Variants in KCNG2 observed in about 807,000 individuals in gnomAD.
KCNG2 encodes potassium voltage-gated channel modifier subfamily G member 2.
Under a neutral mutation model 12.3 loss-of-function variants are expected in KCNG2, and 7 were observed. That is an observed-to-expected ratio of 0.57 (90% CI 0.32 to 1.07). The LOEUF (loss-of-function observed/expected upper bound fraction) is 1.07, where lower values mean the gene tolerates loss of function less well. Among genes scored for constraint, KCNG2 ranks in the 50% least tolerant of loss-of-function variants. The probability of loss-of-function intolerance (pLI) is 0.04; values close to 1 mark genes in which losing one functional copy is unlikely to be tolerated. For synonymous variants in KCNG2, 414 were observed against 351.4 expected, an observed-to-expected ratio of 1.18 and a Z score of -1.99; for missense variants, 703 against 726.0, an observed-to-expected ratio of 0.97 and a Z score of 0.36.
rs774752565 is a variant in KCNG2 at position 79,800,369 on chromosome 18, G to C, written c.-115+2355G>C. 7.9e-5 allele frequency among the ~76,000 whole-genome samples: 12 copies of C among 152,160 alleles called. No individual in the cohort carries two copies. Among genetic ancestry groups the C allele is most frequent in the Non-Finnish European group, 1.5e-4 (10 of 68,024 alleles). Reference sequence around the variant, plus strand: ...GGGATGTTCTTGGTGGTAAGGAAAGGAGCCATGGGGCCCTTGCTGCCAGTG... The same window carrying C: ...GGGATGTTCTTGGTGGTAAGGAAAGCAGCCATGGGGCCCTTGCTGCCAGTG... On this transcript the variant is annotated intron_variant, in intron 1 of 3. Coordinates refer to ENST00000316249, the MANE Select transcript of KCNG2 (RefSeq NM_012283.2). The surrounding 1 kb of genome is among the most constrained non-coding windows in gnomAD (Gnocchi z 4.0).
chr18:79,847,768 A>G (rs2123044374), intron 1 of KCNG2, among the ~76,000 whole-genome samples: 1 of 152,302 alleles, frequency 6.6e-6, no homozygotes, highest in East Asian at 1.9e-4. Flanking sequence ...TTGCTCTGGC[A>G]TCCTGGAGGC....
chr18:79,806,776 A>G (rs1409097228), intron 1 of KCNG2, among the ~76,000 whole-genome samples: 1 of 152,224 alleles, frequency 6.6e-6, no homozygotes, highest in Non-Finnish European at 1.5e-5. Context: ...GCTTTCTCAA[A>G]TAAAACCAGA....
At chr18:79,838,350 G>C (rs1332259450) in intron 1 of KCNG2, among the ~76,000 whole-genome samples, 1 of 151,286 alleles carries the variant, frequency 6.6e-6, no homozygotes, top group Non-Finnish European at 1.5e-5. Flanking sequence ...ATCAATAATA[G>C]AATAATCTTC....
Position 79,800,947 on chromosome 18 carries a change from G to C in KCNG2, c.-115+2933G>C, listed in dbSNP as rs1029553736. Among the ~76,000 whole-genome samples the C allele has an allele frequency of 2.6e-5, 4 of 152,250 alleles. No homozygotes were observed. Among genetic ancestry groups the C allele is most frequent in the African/African-American group, 9.6e-5 (4 of 41,468 alleles). ...CAGGTTCAGCCTTTTCACGTGATGGGAGACCATGCCAGGCAGCTGCCAACA... is the reference window on the plus strand; with the variant it reads ...CAGGTTCAGCCTTTTCACGTGATGGCAGACCATGCCAGGCAGCTGCCAACA... On this transcript the variant is annotated intron_variant, in intron 1 of 3. Transcript: ENST00000316249. The surrounding 1 kb of genome is among the most constrained non-coding windows in gnomAD (Gnocchi z 4.0).
At chr18:79,862,148 CCTGT>C (rs1254359282) in intron 2 of KCNG2, among the ~76,000 whole-genome samples, 2 of 152,100 alleles carry the variant, frequency 1.3e-5, no homozygotes, top group Non-Finnish European at 1.5e-5. Flanking sequence ...GTTCCTTTTT[CCTGT>C]CTATGAGCTA....
At chr18:79,874,779 G>T (rs1216727740) in intron 3 of KCNG2, among the ~76,000 whole-genome samples, 2 of 152,194 alleles carry the variant, frequency 1.3e-5, no homozygotes, top group Non-Finnish European at 2.9e-5. Context: ...TGGTGGGAGA[G>T]CTTCCAGGGG....
chr18:79,851,049 C>T lies in KCNG2; in HGVS notation c.-114-5330C>T, dbSNP rs1321662967. On this transcript the variant is annotated intron_variant, in intron 1 of 3. Coordinates refer to ENST00000316249, the MANE Select transcript of KCNG2 (RefSeq NM_012283.2). ...AAGAAAGAATTCAGGACATGTCTGC[C>T]GTGTGCAGCAAAAGCAAGTTTATTA... Among the ~76,000 whole-genome samples the T allele has an allele frequency of 2.6e-5, 4 of 152,154 alleles. No homozygotes were observed. The East Asian group carries it at 5.8e-4, about 22-fold the overall frequency.
rs557625629 is a variant in KCNG2, at chr18:79,894,869, C to T, written c.625-4171C>T. Among the ~76,000 whole-genome samples, 7 of 150,930 alleles carry T rather than the reference C, an allele frequency of 4.6e-5. No homozygotes were observed. In the East Asian group the frequency reaches 1.2e-3, roughly 26 times the overall value. The stretch of plus-strand genomic sequence containing the variant: ...TTGATTGGGTTGTTCACTCCATTCA[C>T]ATCTAATGGTACGATTGATATAGTT... On this transcript the variant is annotated intron_variant, in intron 3 of 3. Transcript: ENST00000316249.
At chr18:79,802,046 A>G (rs1468018172) in intron 1 of KCNG2, among the ~76,000 whole-genome samples, 1 of 152,144 alleles carries the variant, frequency 6.6e-6, no homozygotes, top group African/African-American at 2.4e-5. Flanking sequence ...GAAGTTTTGG[A>G]AATGGTGATT....
rs1228002982 is a variant in KCNG2, at chr18:79,800,399, C to T, written c.-115+2385C>T. On this transcript the variant is annotated intron_variant, in intron 1 of 3. Coordinates refer to ENST00000316249, the MANE Select transcript of KCNG2 (RefSeq NM_012283.2). This position sits in a 1 kb window ranked among gnomAD's most constrained non-coding sequence, Gnocchi z 4.0. ...ATGGGGCCCTTGCTGCCAGTGAGGT[C>T]GCTCAGACACAAACGGGTGCTGCCA... 6.6e-6 allele frequency among the ~76,000 whole-genome samples: 1 copy of T among 152,142 alleles called. No homozygotes were observed. Among genetic ancestry groups the T allele is most frequent in the Non-Finnish European group, 1.5e-5 (1 of 68,030 alleles).
At chr18:79,872,318 C>T (rs1347231697) in intron 3 of KCNG2, among the ~76,000 whole-genome samples, 2 of 98,296 alleles carry the variant, frequency 2.0e-5, no homozygotes, top group Non-Finnish European at 3.6e-5. Flanking sequence ...TGGAGTCTCA[C>T]TCTGTCACCA....
At chr18:79,898,048 C>T (rs951943581) in intron 3 of KCNG2, among the ~76,000 whole-genome samples, 6 of 152,208 alleles carry the variant, frequency 3.9e-5, no homozygotes, top group African/African-American at 1.2e-4. Context: ...CATTCCCCGG[C>T]ACCTTAGCCA....
chr18:79,813,388 T>C (rs908270403), intron 1 of KCNG2, among the ~76,000 whole-genome samples: 2 of 152,242 alleles, frequency 1.3e-5, no homozygotes, highest in African/African-American at 4.8e-5. Context: ...TATTAATTGA[T>C]GCAGAAAAGC....
chr18:79,864,341 T>A (rs747634882), intron 3 of KCNG2, 50 bp downstream of exon 3: 1 of 342,510 alleles, frequency 2.9e-6, no homozygotes, highest in East Asian at 1.6e-4. Context: ...GGGGCTGGGC[T>A]GGGATCTGGG....
intron 1 of KCNG2, among the ~76,000 whole-genome samples, chr18:79,847,637 ATAT>A (rs936596400): frequency 6.6e-6 from 1 of 152,210 alleles, no homozygotes; most frequent in Non-Finnish European, 1.5e-5. Flanking sequence ...AGAATGGTAA[ATAT>A]TATTATATCC....
At chr18:79,861,197 C>T (rs1979204178) in intron 2 of KCNG2, among the ~76,000 whole-genome samples, 2 of 151,412 alleles carry the variant, frequency 1.3e-5, no homozygotes, top group South Asian at 4.2e-4. Flanking sequence ...CATGTATAAT[C>T]CTTTTAATAT....
At chr18:79,809,494 A>G (rs2087476166) in intron 1 of KCNG2, among the ~76,000 whole-genome samples, 1 of 99,050 alleles carries the variant, frequency 1.0e-5, no homozygotes, top group African/African-American at 3.8e-5. Flanking sequence ...TTATGGGCCC[A>G]GAGTCCGCGC....
intron 1 of KCNG2, among the ~76,000 whole-genome samples, chr18:79,829,543 T>C (rs1017619422): frequency 5.3e-5 from 8 of 152,040 alleles, no homozygotes; most frequent in Admixed American, 4.6e-4. Flanking sequence ...GGCCGGTGGG[T>C]CTCTGCCTCA....
At chr18:79,847,288 T>C (rs533032603) in intron 1 of KCNG2, among the ~76,000 whole-genome samples, 2 of 152,310 alleles carry the variant, frequency 1.3e-5, no homozygotes, top group African/African-American at 4.8e-5. Context: ...TGGGGTCGGA[T>C]AGCTTTGCTG....
Sources: allele counts gnomAD v4.1 joint callset (sites outside exome capture counted in the v4.1 genomes callset), GRCh38; gene constraint gnomAD v4.1.1; non-coding constraint Gnocchi (gnomAD v3.1); transcripts MANE v1.5; gene names NCBI Gene and HGNC (gene_info 2026-07-23, HGNC 2026-07-21).